Variants in NRXN1 observed in about 807,000 individuals in gnomAD.
NRXN1 encodes neurexin 1, also known as neurexin-1.
A neutral mutation model predicts 150.9 loss-of-function variants in NRXN1; 39 were observed. The ratio of observed to expected loss-of-function variants is 0.26; its 90% CI spans 0.20 to 0.34. The LOEUF (loss-of-function observed/expected upper bound fraction) is 0.34. Ranked by LOEUF, NRXN1 falls within the 10% of genes least tolerant of loss-of-function variation. The pLI is 1.00. For missense variants in NRXN1, 1,815 were observed against 1,949.9 expected, an observed-to-expected ratio of 0.93 and a Z score of 1.30; for synonymous variants, 924 against 757.0, an observed-to-expected ratio of 1.22 and a Z score of -3.62.
At chr2:50,062,576 A>G (rs747440628) in intron 19 of NRXN1, among the ~76,000 whole-genome samples, 1 of 152,178 alleles carries the variant, frequency 6.6e-6, no homozygotes, top group Non-Finnish European at 1.5e-5. Flanking sequence ...ACTTCCGGGA[A>G]ATGAGAGTAA....
chr2:50,980,168 T>C (rs1384136695), intron 2 of NRXN1, among the ~76,000 whole-genome samples: 2 of 152,058 alleles, frequency 1.3e-5, no homozygotes, highest in Non-Finnish European at 2.9e-5. Context: ...AATTCTGCTT[T>C]TTCTTAGCTC....
chr2:50,993,966 CT>C (rs1698913095), intron 2 of NRXN1, among the ~76,000 whole-genome samples: 1 of 151,996 alleles, frequency 6.6e-6, no homozygotes, highest in Admixed American at 6.6e-5. Flanking sequence ...TCTAATTCAT[CT>C]TTCCAGAACA....
At position 50,347,568 on chromosome 2, in the gene NRXN1, A is replaced by G. The variant is rs2152998451; in HGVS notation, c.3365-110598T>C. 9.8e-7 allele frequency: 1 copy of G among 1,017,868 alleles called. No homozygotes were observed. The highest frequency in any genetic ancestry group is 1.1e-4 in the East Asian group (1 of 8,988). The allele number at this position is 1,017,868 out of a possible 1,614,324, so 63.1% of individuals were successfully genotyped here. On this transcript the variant is annotated intron_variant, in intron 17 of 22. Transcript: ENST00000401669. This position sits in a 1 kb window ranked among gnomAD's most constrained non-coding sequence, Gnocchi z 4.9. ...GGCAGCGCGCGGAGCAGCGGCGCGC[A>G]TCGCCTGCTCCCGAGGCAATCTCCG...
At chr2:50,454,808 T>C (rs1399303792) in intron 17 of NRXN1, among the ~76,000 whole-genome samples, 4 of 151,796 alleles carry the variant, frequency 2.6e-5, no homozygotes, top group South Asian at 2.1e-4. Flanking sequence ...GATAATAAAC[T>C]ACAGATGAGA....
At chr2:50,287,449 C>A (rs958490555) in intron 17 of NRXN1, among the ~76,000 whole-genome samples, 2 of 152,018 alleles carry the variant, frequency 1.3e-5, no homozygotes, top group African/African-American at 4.8e-5. Flanking sequence ...CATTTTAATG[C>A]TTTTGTTTTT....
intron 18 of NRXN1, among the ~76,000 whole-genome samples, chr2:50,100,066 C>G (rs1350462715): frequency 6.6e-6 from 1 of 152,022 alleles, no homozygotes; most frequent in Non-Finnish European, 1.5e-5. Context: ...GAATTTGAGT[C>G]TCTCTTAGAT....
At chr2:50,219,958 A>AT (rs1559115613) in intron 18 of NRXN1, among the ~76,000 whole-genome samples, 9 of 72,504 alleles carry the variant, frequency 1.2e-4, no homozygotes, top group African/African-American at 7.9e-4. Flanking sequence ...TATATAATAT[A>AT]TATATTATAT....
chr2:51,016,400 C>T (rs1668667016), intron 2 of NRXN1, among the ~76,000 whole-genome samples: 1 of 152,080 alleles, frequency 6.6e-6, no homozygotes, highest in African/African-American at 2.4e-5. Flanking sequence ...GGAACTTAAA[C>T]AAACTTACAA....
intron 18 of NRXN1, among the ~76,000 whole-genome samples, chr2:50,164,815 G>A (rs376356219): frequency 5.9e-5 from 9 of 152,008 alleles, no homozygotes; most frequent in South Asian, 2.1e-4. Flanking sequence ...TCCGTTCTCC[G>A]TCAAAACACC....
At chr2:50,196,611 A>G (rs2061783666) in intron 18 of NRXN1, among the ~76,000 whole-genome samples, 1 of 152,194 alleles carries the variant, frequency 6.6e-6, no homozygotes. Flanking sequence ...ATATACAGTT[A>G]TATATTTATC....
At chr2:49,999,904 G>A (rs910282633) in intron 21 of NRXN1, among the ~76,000 whole-genome samples, 1 of 152,118 alleles carries the variant, frequency 6.6e-6, no homozygotes, top group Non-Finnish European at 1.5e-5. Flanking sequence ...GGGCTTAAAC[G>A]TTTTAATAGA....
intron 17 of NRXN1, among the ~76,000 whole-genome samples, chr2:50,437,204 G>C (rs1187137269): frequency 1.3e-5 from 2 of 152,152 alleles, no homozygotes; most frequent in Non-Finnish European, 2.9e-5. Flanking sequence ...ACATAAGTAA[G>C]CAGTATAAAT....
intron 18 of NRXN1, among the ~76,000 whole-genome samples, chr2:50,217,632 C>G (rs1198142623): frequency 6.6e-6 from 1 of 151,882 alleles, no homozygotes; most frequent in Admixed American, 6.6e-5. Flanking sequence ...CCTAAAGAAA[C>G]AGTCCTAGGA....
chr2:50,540,995 A>T (rs2093376525), intron 9 of NRXN1, among the ~76,000 whole-genome samples: 1 of 152,112 alleles, frequency 6.6e-6, no homozygotes, highest in African/African-American at 2.4e-5. Context: ...AGAGAGAAGG[A>T]TTCTACTCTA....
intron 17 of NRXN1, among the ~76,000 whole-genome samples, chr2:50,420,397 GTACACACACACACACACA>G (rs1222079076): frequency 6.6e-6 from 1 of 150,382 alleles, no homozygotes; most frequent in East Asian, 1.9e-4. Flanking sequence ...ATACATACAT[GTACACACACACACACACA>G]TACACACACA....
At chr2:50,472,188 C>A in intron 16 of NRXN1, 110 bp downstream of exon 16, 5 of 892,792 alleles carry the variant, frequency 5.6e-6, no homozygotes, top group East Asian at 3.0e-5. Flanking sequence ...TGTCTAAGCC[C>A]AAATTGGGTA....
At chr2:50,490,653 C>A (rs1447367911) in intron 15 of NRXN1, among the ~76,000 whole-genome samples, 1 of 152,154 alleles carries the variant, frequency 6.6e-6, no homozygotes, top group East Asian at 1.9e-4. Flanking sequence ...AAGAAGCCAG[C>A]AGGCAGAGAG....
chr2:50,744,957 T>A (rs1346132947), intron 5 of NRXN1, among the ~76,000 whole-genome samples: 1 of 152,146 alleles, frequency 6.6e-6, no homozygotes. Context: ...TGTTTCTGTA[T>A]TCCTCCTTTG....
At position 50,676,864 on chromosome 2, in the gene NRXN1, CATTT is replaced by C. The variant is rs555457064; in HGVS notation, c.833-53253_833-53250del. Among the ~76,000 whole-genome samples the C allele has an allele frequency of 3.2e-3, 487 of 152,248 alleles. 2 individuals carry two copies. Among genetic ancestry groups the C allele is most frequent in the African/African-American group, 0.011 (446 of 41,556 alleles). ...TTCATTCATTCATTCAGCATTCATT[CATTT>C]ATTTTAAAATTACACATAAAACATT... On this transcript the variant is annotated intron_variant, in intron 5 of 22. Transcript: ENST00000401669.
Sources: gnomAD v4.1 joint callset for allele counts (sites outside exome capture counted in the v4.1 genomes callset) on GRCh38, gnomAD v4.1.1 for gene constraint, Gnocchi (gnomAD v3.1) non-coding constraint, MANE v1.5 for transcripts, NCBI Gene and HGNC (gene_info 2026-07-23, HGNC 2026-07-21) for gene names.